Variants in CDKL3 observed in about 807,000 individuals in gnomAD.
The protein encoded by CDKL3 is cyclin dependent kinase like 3.
CDKL3 carries 65 observed loss-of-function variants against 69.3 expected under a neutral mutation model. That is an observed-to-expected ratio of 0.94 (90% CI 0.77 to 1.15). The LOEUF is 1.15. Ranked by LOEUF, CDKL3 falls within the 50% of genes most tolerant of loss-of-function variation. The pLI is 0.00. For synonymous variants in CDKL3, 202 were observed against 221.6 expected (o/e 0.91, Z 0.79); for missense variants, 652 against 689.2 (o/e 0.95, Z 0.61).
upstream of CDKL3, among the ~76,000 whole-genome samples, chr5:134,367,901 G>A (rs17167478): frequency 0.11 from 16,858 of 152,242 alleles, 1,054 homozygotes; most frequent in Admixed American, 0.16. Flanking sequence ...AGTTCAACTG[G>A]AATGACAGTC....
At chr5:134,324,847 A>T (rs73289840) in intron 4 of CDKL3, among the ~76,000 whole-genome samples, 21,381 of 152,234 alleles carry the variant, frequency 0.14, 1,833 homozygotes, top group African/African-American at 0.23. Context: ...AATTTAGTTA[A>T]TAATGTTCAA....
At position 134,359,940 on chromosome 5, in the gene CDKL3, A is replaced by T; in HGVS notation, c.317T>A (p.Leu106His). 6.3e-7 allele frequency: 1 copy of T among 1,588,618 alleles called. No individual in the cohort carries two copies. The change falls in exon 3 of 13, where the codon CTC (leucine) becomes CAC (histidine). Residue 106 changes from leucine to histidine, a missense_variant. Transcript: ENST00000265334. Reference sequence around the variant, plus strand: ...GTCAATTGCTCGAAGGATCTGGAAGAGGTATTTTCTAAGTCGCTTACTCTC... The same window carrying T: ...GTCAATTGCTCGAAGGATCTGGAAGTGGTATTTTCTAAGTCGCTTACTCTC... ...GLESKRLRKYLFQILRAIDYL... is the reference protein window; with the variant it reads ...GLESKRLRKYHFQILRAIDYL...
At chr5:134,336,157 T>C (rs1362071905) in intron 4 of CDKL3, among the ~76,000 whole-genome samples, 2 of 152,216 alleles carry the variant, frequency 1.3e-5, no homozygotes, top group African/African-American at 2.4e-5. Context: ...TTTCGTACTG[T>C]GGTTTTCAGC....
chr5:134,317,689 G>A (rs1771534663), intron 6 of CDKL3, among the ~76,000 whole-genome samples: 2 of 152,032 alleles, frequency 1.3e-5, no homozygotes, highest in Non-Finnish European at 2.9e-5. Flanking sequence ...CACTTTGGGA[G>A]ACTGAGGCAA....
chr5:134,308,090 T>C, intron 9 of CDKL3, 48 bp downstream of exon 9: 1 of 1,532,374 alleles, frequency 6.5e-7, no homozygotes, highest in Admixed American at 2.0e-5. Context: ...GAAATACCAT[T>C]ATACAGGAAT....
At chr5:134,308,523 G>A (rs1396624334) in intron 8 of CDKL3, 51 bp downstream of exon 8, 1 of 1,552,502 alleles carries the variant, frequency 6.4e-7, no homozygotes, top group Admixed American at 2.1e-5. Flanking sequence ...TGTCATTAGA[G>A]TCTAACTATA....
In CDKL3 at chr5:134,319,316, C is replaced by A. The variant is rs1289514932; in HGVS notation, c.792+42G>T. ...CTGCACTACAGCCTGGGCGACAGAG[C>A]AAGACTCTGTCTCCGGGGGAGGAAA... On this transcript the variant is annotated intron_variant, in intron 6 of 12. Coordinates refer to ENST00000265334, the MANE Select transcript of CDKL3 (RefSeq NM_001113575.2). 4.9e-6 allele frequency: 7 copies of A among 1,429,298 alleles called. No homozygotes were observed. The African/African-American group carries it at 9.0e-5, about 18-fold the overall frequency. The allele number at this position is 1,429,298 out of a possible 1,614,324, so 88.5% of individuals were successfully genotyped here. A position where few individuals can be genotyped will look rare whatever the true frequency, so the allele number is the denominator to read the frequency against.
intron 4 of CDKL3, among the ~76,000 whole-genome samples, chr5:134,339,276 A>G (rs1158313757): frequency 6.6e-6 from 1 of 152,248 alleles, no homozygotes; most frequent in Non-Finnish European, 1.5e-5. Flanking sequence ...CTCATGATCT[A>G]ACTATATGTT....
intron 6 of CDKL3, among the ~76,000 whole-genome samples, chr5:134,318,571 A>G (rs111624513): frequency 0.015 from 2,223 of 152,010 alleles, 42 homozygotes; most frequent in African/African-American, 0.049. Context: ...CTGCAACCTC[A>G]GCCTCCCAGG....
intron 9 of CDKL3, 109 bp downstream of exon 9, chr5:134,308,028 TA>T (rs1768354094): frequency 7.0e-7 from 1 of 1,430,910 alleles, no homozygotes; most frequent in South Asian, 1.5e-5. Flanking sequence ...TTAATTTCAA[TA>T]TATTTTCTTC....
rs185036605 is a variant in CDKL3, at chr5:134,344,567, T to C, written c.539+5682A>G. On this transcript the variant is annotated intron_variant, in intron 4 of 12. Transcript: ENST00000265334. ...AAAAGACATTCAACCTCAGTAGACATTAGGGAAATGTGAATCAAACCCACA... is the reference window on the plus strand; with the variant it reads ...AAAAGACATTCAACCTCAGTAGACACTAGGGAAATGTGAATCAAACCCACA... 1.1e-4 allele frequency among the ~76,000 whole-genome samples: 17 copies of C among 152,196 alleles called. No individual in the cohort carries two copies. In the East Asian group the frequency reaches 3.1e-3, roughly 28 times the overall value.
Position 134,367,086 on chromosome 5 carries a change from C to G in CDKL3, c.-131G>C. 2 of 986,564 alleles carry G rather than the reference C, an allele frequency of 2.0e-6. No homozygotes were observed. The highest frequency in any genetic ancestry group is 2.4e-6 in the Non-Finnish European group (2 of 830,742). The allele number at this position is 986,564 out of a possible 1,614,324, so 61.1% of individuals were successfully genotyped here. A position where few individuals can be genotyped will look rare whatever the true frequency, so the allele number is the denominator to read the frequency against. ...CTCTGCGTAGTTCCAGTGGAGCCAC[C>G]GAACACTGATACTACTTTGTTGCTC... On this transcript the variant is annotated 5_prime_UTR_variant, in exon 1 of 13. Transcript: ENST00000265334.
chr5:134,337,165 G>A (rs1237647280), intron 4 of CDKL3, among the ~76,000 whole-genome samples: 1 of 152,224 alleles, frequency 6.6e-6, no homozygotes, highest in Non-Finnish European at 1.5e-5. Flanking sequence ...CCAGGCACGG[G>A]AGAGAATCTC....
At chr5:134,299,004 C>G (rs1765656245) in intron 12 of CDKL3, among the ~76,000 whole-genome samples, 1 of 152,038 alleles carries the variant, frequency 6.6e-6, no homozygotes. Context: ...CTCTGAGTAG[C>G]TGGGATTACA....
intron 6 of CDKL3, among the ~76,000 whole-genome samples, chr5:134,315,453 T>C (rs1046886468): frequency 7.9e-5 from 12 of 152,220 alleles, no homozygotes; most frequent in Non-Finnish European, 1.6e-4. Flanking sequence ...TGCCTCAGCC[T>C]CCCAAATAGC....
chr5:134,313,158 G>A (rs1243724099), intron 6 of CDKL3, among the ~76,000 whole-genome samples: 1 of 152,132 alleles, frequency 6.6e-6, no homozygotes, highest in Non-Finnish European at 1.5e-5. Context: ...GAGTTCAAGC[G>A]ATTCTCCCGC....
intron 8 of CDKL3, among the ~76,000 whole-genome samples, chr5:134,289,187 A>G (rs62381366): frequency 2.0e-5 from 3 of 146,866 alleles, no homozygotes; most frequent in Non-Finnish European, 3.0e-5. Flanking sequence ...AAAAAAAAGG[A>G]AAGAAAAAGA....
intron 12 of CDKL3, among the ~76,000 whole-genome samples, chr5:134,299,201 A>G (rs1209002429): frequency 6.6e-6 from 1 of 152,126 alleles, no homozygotes; most frequent in Non-Finnish European, 1.5e-5. Context: ...AATCTTCATG[A>G]TATGTTTAAA....
chr5:134,333,574 G>A (rs184372434), intron 4 of CDKL3, among the ~76,000 whole-genome samples: 86 of 152,350 alleles, frequency 5.6e-4, no homozygotes, highest in African/African-American at 1.9e-3. Flanking sequence ...AGATAATCAT[G>A]TGGTTTTTGT....
Sources: allele counts gnomAD v4.1 joint callset (sites outside exome capture counted in the v4.1 genomes callset), GRCh38; gene constraint gnomAD v4.1.1; transcripts MANE v1.5; gene names NCBI Gene and HGNC (gene_info 2026-07-23, HGNC 2026-07-21).